Variants in ACOT1 observed in about 807,000 individuals in gnomAD.
ACOT1 encodes the protein acyl-coenzyme A thioesterase 1.
In ACOT1, 8 loss-of-function variants were observed where a neutral mutation model predicts 15.7. The ratio of observed to expected loss-of-function variants is 0.51; its 90% CI spans 0.30 to 0.92. The LOEUF (loss-of-function observed/expected upper bound fraction) is 0.92. Among genes scored for constraint, ACOT1 ranks in the 40% least tolerant of loss-of-function variants. ACOT1 has a pLI of 0.06. For synonymous variants in ACOT1, 67 were observed against 241.2 expected, an observed-to-expected ratio of 0.28 and a Z score of 6.69; for missense variants, 151 against 539.4, an observed-to-expected ratio of 0.28 and a Z score of 7.13.
At chr14:73,499,040 T>G in the ACOT1 span, 1 of 1,589,072 alleles carries the variant, frequency 6.3e-7, no homozygotes, top group Non-Finnish European at 8.6e-7. Context: ...TATTTAAGGT[T>G]GAAGAGTTTG....
At chr14:73,500,580 T>C in the ACOT1 span, 1 of 1,613,800 alleles carries the variant, frequency 6.2e-7, no homozygotes, top group Non-Finnish European at 8.5e-7. Flanking sequence ...GGGCACCAGC[T>C]GCCAAACAGG....
At chr14:73,508,318 G>C in the ACOT1 span, 1 of 1,610,852 alleles carries the variant, frequency 6.2e-7, no homozygotes, top group South Asian at 1.1e-5. Flanking sequence ...GTGAAAAAGA[G>C]TTCAGAATGG....
At chr14:73,536,293 T>G (rs1888859396), upstream of ACOT1, among the ~76,000 whole-genome samples, 1 of 103,438 alleles carries the variant, frequency 9.7e-6, no homozygotes, top group South Asian at 3.4e-4. Context: ...GGCCTAAAGC[T>G]TAAGTTTGAT....
the ACOT1 span, chr14:73,500,698 C>A: frequency 1.2e-6 from 2 of 1,614,016 alleles, no homozygotes; most frequent in East Asian, 4.5e-5. Flanking sequence ...AGCTTCCACA[C>A]GCTCCTGGGA....
At chr14:73,502,795 C>T in the ACOT1 span, 5 of 818,734 alleles carry the variant, frequency 6.1e-6, no homozygotes, top group South Asian at 2.8e-5. Context: ...GATCCGCCCA[C>T]CCCGTCTTCC....
chr14:73,493,275 T>A, the ACOT1 span: 1 of 615,872 alleles, frequency 1.6e-6, no homozygotes, highest in East Asian at 2.8e-5. Flanking sequence ...TTAGATTTTT[T>A]TTGGAATTTG....
chr14:73,496,675 T>C, the ACOT1 span: 2 of 1,562,128 alleles, frequency 1.3e-6, no homozygotes, highest in African/African-American at 1.4e-5. Flanking sequence ...GTCTGGTACA[T>C]TTCTCTGAAA....
Position 73,543,329 on chromosome 14 carries a change from G to GTGCTCTCTGCCCTTTCCA in ACOT1, c.940_941insTGCTCTCTGCCCTTTCCA (p.Ala314delinsValLeuSerAlaLeuSerThr). Reference sequence around the variant, plus strand: ...GAAGAGCTTCATTCCTGTGGAAAGGGCAGAGAGCACCTTCCTGTTCCTGGT... The same window carrying GTGCTCTCTGCCCTTTCCA: ...GAAGAGCTTCATTCCTGTGGAAAGGGTGCTCTCTGCCCTTTCCACAGAGAGCACCTTCCTGTTCCTGGT... On this transcript the variant is annotated protein_altering_variant, in exon 3 of 3. Coordinates refer to ENST00000311148, the MANE Select transcript of ACOT1 (RefSeq NM_001037161.2). 6.5e-7 allele frequency: 1 copy of GTGCTCTCTGCCCTTTCCA among 1,539,540 alleles called. No individual in the cohort carries two copies. The highest frequency in any genetic ancestry group is 8.8e-7 in the Non-Finnish European group (1 of 1,131,432).
the ACOT1 span, among the ~76,000 whole-genome samples, chr14:73,518,646 G>A: frequency 6.6e-6 from 1 of 152,104 alleles, no homozygotes; most frequent in Non-Finnish European, 1.5e-5. Context: ...GGAGTGGGAG[G>A]GTAGAGCCAG....
the ACOT1 span, chr14:73,491,098 G>C: frequency 6.2e-7 from 1 of 1,601,856 alleles, no homozygotes; most frequent in South Asian, 1.1e-5. Flanking sequence ...CACACAGCGG[G>C]TCGGTCCTGG....
the ACOT1 span, among the ~76,000 whole-genome samples, chr14:73,521,572 A>G: frequency 4.6e-5 from 7 of 152,374 alleles, no homozygotes; most frequent in African/African-American, 1.7e-4. Context: ...ATGAATAAAT[A>G]AATGGATTTC....
At chr14:73,523,052 A>G in the ACOT1 span, 1 of 1,614,062 alleles carries the variant, frequency 6.2e-7, no homozygotes, top group Non-Finnish European at 8.5e-7. Context: ...CTTGCCTTTC[A>G]ATTTTGAGTA....
the ACOT1 span, chr14:73,493,316 G>A: frequency 3.4e-5 from 19 of 563,816 alleles, no homozygotes; most frequent in South Asian, 1.8e-4. Flanking sequence ...TTTCATGGGC[G>A]GGTCGGGGTC....
intron 1 of ACOT1, among the ~76,000 whole-genome samples, chr14:73,538,611 CAAA>C (rs59948219): frequency 3.7e-5 from 1 of 27,242 alleles, no homozygotes; most frequent in African/African-American, 1.0e-4. Context: ...GACTCCGTCT[CAAA>C]AAAAAAAAAA....
Position 73,543,213 on chromosome 14 carries a change from T to C in ACOT1, c.824T>C (p.Val275Ala), listed in dbSNP as rs148598881. 1.3e-3 allele frequency: 2,117 copies of C among 1,603,730 alleles called. 111 individuals are homozygous for C. The South Asian group carries it at 0.017, about 13-fold the overall frequency. ...TACAAGGGCGAGACCCTGCCCCCTG[T>C]GGGCGTCAACAGAAATCGCATCAAG... Reference protein sequence around the residue: ...LRYKGETLPPVGVNRNRIKVT... With the variant: ...LRYKGETLPPAGVNRNRIKVT... The change falls in exon 3 of 3, where the codon GTG becomes GCG. Residue 275 changes from valine to alanine, a missense_variant. Transcript: ENST00000311148.
the ACOT1 span, chr14:73,522,887 C>A: frequency 1.2e-6 from 2 of 1,614,148 alleles, no homozygotes; most frequent in Admixed American, 1.7e-5. Flanking sequence ...GCTGTACTGG[C>A]TATAAGGAAT....
the ACOT1 span, chr14:73,491,014 G>A: frequency 2.0e-6 from 3 of 1,488,512 alleles, no homozygotes; most frequent in South Asian, 4.0e-5. Context: ...GGTGTGGTCT[G>A]GCCATGGATG....
At chr14:73,497,254 G>A in the ACOT1 span, among the ~76,000 whole-genome samples, 2 of 152,156 alleles carry the variant, frequency 1.3e-5, no homozygotes, top group East Asian at 1.9e-4. Context: ...TGGCCAGGCT[G>A]GTCTAGAACT....
chr14:73,512,056 G>A, the ACOT1 span: 33 of 1,613,996 alleles, frequency 2.0e-5, no homozygotes, highest in Non-Finnish European at 2.7e-5. Context: ...AGCAGCTGTG[G>A]CACATGTGGT....
Sources: allele counts gnomAD v4.1 joint callset (sites outside exome capture counted in the v4.1 genomes callset), GRCh38; gene constraint gnomAD v4.1.1; transcripts MANE v1.5; gene names NCBI Gene and HGNC (gene_info 2026-07-23, HGNC 2026-07-21).